Variants in GRID2 observed in about 807,000 individuals in gnomAD.
GRID2 encodes the protein glutamate receptor ionotropic, delta-2.
A neutral mutation model predicts 114.8 loss-of-function variants in GRID2; 33 were observed. The observed-to-expected ratio is 0.29, with a 90% confidence interval of 0.22 to 0.38. The LOEUF (loss-of-function observed/expected upper bound fraction) is 0.38, where lower values mean the gene tolerates loss of function less well. Ranked by LOEUF, GRID2 falls within the 10% of genes least tolerant of loss-of-function variation. GRID2 has a pLI of 1.00. For synonymous variants in GRID2, 505 were observed against 449.9 expected, an observed-to-expected ratio of 1.12 and a Z score of -1.55; for missense variants, 1,184 against 1,257.7, an observed-to-expected ratio of 0.94 and a Z score of 0.89.
intron 1 of GRID2, among the ~76,000 whole-genome samples, chr4:92,540,971 G>A (rs13125273): frequency 3.3e-5 from 5 of 152,070 alleles, no homozygotes; most frequent in African/African-American, 7.2e-5. Context: ...CCATAAAAAC[G>A]GATGAGTTCA....
intron 2 of GRID2, among the ~76,000 whole-genome samples, chr4:92,760,818 G>T (rs768686533): frequency 1.2e-4 from 18 of 151,964 alleles, no homozygotes; most frequent in Non-Finnish European, 1.9e-4. Flanking sequence ...GGCATGTTGG[G>T]CTTTATTTGT....
chr4:92,313,979 T>A (rs899033264), intron 1 of GRID2, among the ~76,000 whole-genome samples: 2 of 152,166 alleles, frequency 1.3e-5, no homozygotes, highest in African/African-American at 4.8e-5. Flanking sequence ...TTTCTGAATA[T>A]TCAGTCCTAA....
intron 11 of GRID2, among the ~76,000 whole-genome samples, chr4:93,469,554 A>G (rs995835930): frequency 6.6e-6 from 1 of 151,060 alleles, no homozygotes; most frequent in African/African-American, 2.4e-5. Flanking sequence ...TCACTCACAG[A>G]AAAAAAAATG....
At chr4:92,883,082 C>T (rs1383088803) in intron 2 of GRID2, among the ~76,000 whole-genome samples, 1 of 152,188 alleles carries the variant, frequency 6.6e-6, no homozygotes, top group Non-Finnish European at 1.5e-5. Flanking sequence ...AGTTGAACTT[C>T]CGTAATTACA....
intron 4 of GRID2, among the ~76,000 whole-genome samples, chr4:93,125,366 ACT>A (rs1313901515): frequency 6.6e-6 from 1 of 151,728 alleles, no homozygotes; most frequent in Non-Finnish European, 1.5e-5. Context: ...AAATTCATTA[ACT>A]CTGATTCTCT....
At chr4:93,280,923 A>G (rs938970763) in intron 8 of GRID2, among the ~76,000 whole-genome samples, 1 of 151,994 alleles carries the variant, frequency 6.6e-6, no homozygotes, top group African/African-American at 2.4e-5. Context: ...TAGGCACAGA[A>G]CACAGAATGT....
At chr4:93,636,926 T>C (rs765457008) in intron 14 of GRID2, among the ~76,000 whole-genome samples, 3 of 152,206 alleles carry the variant, frequency 2.0e-5, no homozygotes, top group Non-Finnish European at 4.4e-5. Context: ...TCCCCTGCCC[T>C]GTTCTGCCAG....
At chr4:93,400,907 G>T (rs532956637) in intron 9 of GRID2, among the ~76,000 whole-genome samples, 18 of 152,088 alleles carry the variant, frequency 1.2e-4, no homozygotes, top group African/African-American at 4.1e-4. Flanking sequence ...CATGATCATG[G>T]CTCACTGGAG....
chr4:92,868,717 G>GTA (rs1578349073), intron 2 of GRID2, among the ~76,000 whole-genome samples: 1 of 152,066 alleles, frequency 6.6e-6, no homozygotes, highest in East Asian at 1.9e-4. Context: ...GTGTGTGTGT[G>GTA]TGTGTGTGTG....
At chr4:92,741,943 A>G (rs779929387) in intron 2 of GRID2, among the ~76,000 whole-genome samples, 1 of 152,220 alleles carries the variant, frequency 6.6e-6, no homozygotes, top group South Asian at 2.1e-4. Flanking sequence ...ATAAAAACCA[A>G]TAACAACTCT....
chr4:92,745,537 A>G (rs962462731), intron 2 of GRID2, among the ~76,000 whole-genome samples: 2 of 152,130 alleles, frequency 1.3e-5, no homozygotes, highest in Non-Finnish European at 2.9e-5. Flanking sequence ...ATAATGTCTA[A>G]ATATTTAAGA....
chr4:92,661,657 A>C (rs571592127), intron 2 of GRID2, among the ~76,000 whole-genome samples: 6 of 151,192 alleles, frequency 4.0e-5, no homozygotes, highest in Admixed American at 2.6e-4. Context: ...ACTTTGGAAT[A>C]TTTTAAATTT....
chr4:93,651,543 G>T (rs186158771), intron 14 of GRID2, among the ~76,000 whole-genome samples: 1 of 152,234 alleles, frequency 6.6e-6, no homozygotes, highest in East Asian at 1.9e-4. Context: ...ATTTAATGGG[G>T]ATCTTGCATC....
At chr4:93,341,199 G>C (rs1385435280) in intron 8 of GRID2, among the ~76,000 whole-genome samples, 1 of 151,924 alleles carries the variant, frequency 6.6e-6, no homozygotes, top group East Asian at 1.9e-4. Context: ...CAAGATAAAA[G>C]GTCCAAAATT....
rs1386723845 is a variant in GRID2, at chr4:92,460,031, A to ACT, written c.89-130099_89-130098dup. ...GAGCCCATTCCTTAAAATAAATCTC[A>ACT]CTATATATATATATATATATATACA... On this transcript the variant is annotated intron_variant, in intron 1 of 15. Coordinates refer to ENST00000282020, the MANE Select transcript of GRID2 (RefSeq NM_001510.4). Among the ~76,000 whole-genome samples the ACT allele has an allele frequency of 2.6e-3, 29 of 11,146 alleles. 2 individuals are homozygous for ACT. Among genetic ancestry groups the ACT allele is most frequent in the South Asian group, 0.014 (3 of 222 alleles). The allele number at this position is 11,146 out of a possible 152,430, so 7.3% of individuals were successfully genotyped here.
intron 1 of GRID2, among the ~76,000 whole-genome samples, chr4:92,457,043 C>G (rs1721250621): frequency 6.6e-6 from 1 of 152,054 alleles, no homozygotes; most frequent in East Asian, 1.9e-4. Flanking sequence ...TTCGACATTC[C>G]TTACAACTGG....
intron 3 of GRID2, among the ~76,000 whole-genome samples, chr4:93,099,605 CAAAG>C (rs1366200961): frequency 6.6e-6 from 1 of 151,578 alleles, no homozygotes; most frequent in Non-Finnish European, 1.5e-5. Flanking sequence ...TGCACAAAAA[CAAAG>C]AAAAAAATCA....
chr4:92,970,374 G>A (rs1256088751), intron 2 of GRID2, among the ~76,000 whole-genome samples: 3 of 151,856 alleles, frequency 2.0e-5, no homozygotes, highest in Non-Finnish European at 4.4e-5. Context: ...CTGATTTATT[G>A]TGTATCTGTT....
chr4:92,618,338 TG>T (rs1054637812), intron 2 of GRID2, among the ~76,000 whole-genome samples: 1 of 151,766 alleles, frequency 6.6e-6, no homozygotes, highest in African/African-American at 2.4e-5. Flanking sequence ...GATTAATTTC[TG>T]GGTTCTCTTT....
Sources: gnomAD v4.1 joint callset for allele counts (sites outside exome capture counted in the v4.1 genomes callset) on GRCh38, gnomAD v4.1.1 for gene constraint, MANE v1.5 for transcripts, NCBI Gene and HGNC (gene_info 2026-07-23, HGNC 2026-07-21) for gene names.